The following SMIM13 variants were observed in gnomAD, a reference collection of about 807,000 sequenced individuals.
SMIM13 encodes the protein UPF0766 protein C6orf228.
In SMIM13, 3 loss-of-function variants were observed where a neutral mutation model predicts 5.9. The ratio of observed to expected loss-of-function variants is 0.51; its 90% CI spans 0.23 to 1.31. The LOEUF (loss-of-function observed/expected upper bound fraction) is 1.31, where lower values mean the gene tolerates loss of function less well. SMIM13 is among the 40% of genes most tolerant of loss of function. SMIM13 has a pLI of 0.18. For synonymous variants in SMIM13, 55 were observed against 46.0 expected (o/e 1.19, Z -0.79); for missense variants, 85 against 109.9 (o/e 0.77, Z 1.01).
At chr6:11,127,533 A>T (rs900171992) in intron 1 of SMIM13, among the ~76,000 whole-genome samples, 2 of 152,200 alleles carry the variant, frequency 1.3e-5, no homozygotes, top group African/African-American at 4.8e-5. Context: ...GTTTAATTGG[A>T]TTTACAGTTC....
chr6:11,116,506 GA>G (rs1444024795), intron 1 of SMIM13, among the ~76,000 whole-genome samples: 1 of 152,230 alleles, frequency 6.6e-6, no homozygotes, highest in African/African-American at 2.4e-5. Context: ...TTTTTGGAAA[GA>G]TTTTCAACTA....
rs1308534741 is a variant in SMIM13 at position 11,136,979 on chromosome 6, CT to C, written c.*2378del. ...ATAGTTGCTGGAAAACTTAAAGTAG[CT>C]GGTGAGCTTCCTGTTATGTCACTAT... On this transcript the variant is annotated 3_prime_UTR_variant, in exon 2 of 2. Transcript: ENST00000416247. The C allele has an allele frequency of 1.3e-5, 2 of 152,016 alleles. No homozygotes were observed. Among genetic ancestry groups the C allele is most frequent in the Non-Finnish European group, 2.9e-5 (2 of 67,992 alleles). 9.4% of individuals were successfully genotyped at this position (152,016 alleles called of 1,614,324 possible). A position where few individuals can be genotyped will look rare whatever the true frequency, so the allele number is the denominator to read the frequency against.
chr6:11,105,529 C>T, intron 1 of SMIM13: 1 of 518,606 alleles, frequency 1.9e-6, no homozygotes, highest in South Asian at 2.6e-5. Flanking sequence ...CAAGTGTATT[C>T]CGGAGCTGAG....
intron 1 of SMIM13, chr6:11,103,848 C>T (rs778724076): frequency 2.6e-6 from 4 of 1,551,610 alleles, no homozygotes; most frequent in East Asian, 2.4e-5. Flanking sequence ...AACAAGTGGG[C>T]CTGTAAGGGG....
chr6:11,116,982 CTTTTTTTT>C (rs68092921), intron 1 of SMIM13, among the ~76,000 whole-genome samples: 29 of 46,446 alleles, frequency 6.2e-4, no homozygotes, highest in African/African-American at 1.1e-3. Flanking sequence ...ATAATTGTTT[CTTTTTTTT>C]TTTTTTTTTT....
chr6:11,134,439 T>C lies in SMIM13; in HGVS notation c.113T>C (p.Phe38Ser). The change falls in exon 2 of 2, where the codon TTC becomes TCC. Residue 38 changes from phenylalanine to serine, a missense_variant. Physicochemically the swap from Phe to Ser is radical, Grantham distance 155. Transcript: ENST00000416247. ...GTATGGCATCTTTTTTTATCAAAAT[T>C]CAAGTTTCTCCGGGAACTGGTGGGA... Reference protein sequence around the residue: ...YFVWHLFLSKFKFLRELVGDT... With the variant: ...YFVWHLFLSKSKFLRELVGDT... 19 of 1,551,064 alleles carry C rather than the reference T, an allele frequency of 1.2e-5. No homozygotes were observed. Among genetic ancestry groups the C allele is most frequent in the Non-Finnish European group, 1.7e-5 (19 of 1,146,624 alleles).
At chr6:11,128,154 TCTCA>T (rs1758402244) in intron 1 of SMIM13, among the ~76,000 whole-genome samples, 1 of 152,004 alleles carries the variant, frequency 6.6e-6, no homozygotes, top group Non-Finnish European at 1.5e-5. Context: ...TGGCTCTGAG[TCTCA>T]CTCAAGGCCC....
intron 1 of SMIM13, 24 bp downstream of exon 1, chr6:11,094,413 G>A (rs748135936): frequency 6.7e-5 from 102 of 1,527,990 alleles, no homozygotes; most frequent in Non-Finnish European, 8.9e-5. Context: ...GTAGCCGCGA[G>A]GCAGTTCCAC....
At chr6:11,112,258 CTT>C (rs573096581) in intron 1 of SMIM13, among the ~76,000 whole-genome samples, 1 of 145,594 alleles carries the variant, frequency 6.9e-6, no homozygotes, top group Non-Finnish European at 1.5e-5. Context: ...GAACTGCTTG[CTT>C]TTTTTTTTTT....
At chr6:11,100,457 C>T (rs1391210574) in intron 1 of SMIM13, among the ~76,000 whole-genome samples, 1 of 152,140 alleles carries the variant, frequency 6.6e-6, no homozygotes, top group Non-Finnish European at 1.5e-5. Context: ...TTGCTTTTCC[C>T]CTCCTTCCCC....
chr6:11,096,871 A>T (rs959449979), intron 1 of SMIM13, among the ~76,000 whole-genome samples: 1 of 151,972 alleles, frequency 6.6e-6, no homozygotes, highest in Non-Finnish European at 1.5e-5. Context: ...TTCTGTTTTT[A>T]ATAGAGATGG....
intron 1 of SMIM13, among the ~76,000 whole-genome samples, chr6:11,110,604 C>T (rs919834642): frequency 2.0e-5 from 3 of 152,160 alleles, no homozygotes; most frequent in Non-Finnish European, 2.9e-5. Flanking sequence ...ATTTGGGATT[C>T]TTCATCCTCC....
At chr6:11,132,650 CT>C (rs2113670510) in intron 1 of SMIM13, among the ~76,000 whole-genome samples, 1 of 152,216 alleles carries the variant, frequency 6.6e-6, no homozygotes, top group African/African-American at 2.4e-5. Context: ...GAAACATGGG[CT>C]GAGTTTGAAA....
chr6:11,130,265 A>C (rs536801764), intron 1 of SMIM13, among the ~76,000 whole-genome samples: 5 of 132,776 alleles, frequency 3.8e-5, no homozygotes, highest in South Asian at 4.4e-4. Flanking sequence ...AAAAAAAAAA[A>C]AAAACAACAA....
rs1010644878 is a variant in SMIM13 at position 11,134,568 on chromosome 6, C to T, written c.242C>T (p.Ala81Val). The T allele has an allele frequency of 2.6e-6, 4 of 1,548,946 alleles. No homozygotes were observed. Among genetic ancestry groups the T allele is most frequent in the Non-Finnish European group, 3.5e-6 (4 of 1,145,508 alleles). The change falls in exon 2 of 2, where the codon GCA becomes GTA. Residue 81 changes from alanine to valine, a missense_variant. Ala to Val is a moderately conservative substitution (Grantham distance 64, BLOSUM62 0). Coordinates refer to ENST00000416247, the MANE Select transcript of SMIM13 (RefSeq NM_001135575.2). The part of the protein sequence containing the change: ...HRIRSARQRR[A>V]PADEGHRPLT ...ATCAGATCCGCTCGCCAAAGGAGGG[C>T]ACCTGCTGATGAAGGCCACAGACCC...
intron 1 of SMIM13, among the ~76,000 whole-genome samples, chr6:11,106,146 CAA>C (rs1277126257): frequency 1.3e-5 from 2 of 152,186 alleles, no homozygotes; most frequent in Admixed American, 1.3e-4. Flanking sequence ...TGTCATTCTG[CAA>C]TGACCTGGGT....
intron 1 of SMIM13, among the ~76,000 whole-genome samples, chr6:11,106,952 C>T (rs1758093532): frequency 6.6e-6 from 1 of 152,194 alleles, no homozygotes; most frequent in African/African-American, 2.4e-5. Context: ...TTTGTATATA[C>T]TCCTTTTCTT....
intron 1 of SMIM13, among the ~76,000 whole-genome samples, chr6:11,110,852 A>G (rs561098310): frequency 6.6e-6 from 1 of 152,260 alleles, no homozygotes; most frequent in East Asian, 1.9e-4. Context: ...CTTCCCCACA[A>G]AGGGGTGCTA....
In SMIM13 at chr6:11,134,383, G is replaced by A. The variant is rs1758490511; in HGVS notation, c.77-20G>A. 1 of 1,538,654 alleles carries A rather than the reference G, an allele frequency of 6.5e-7. No homozygotes were observed. Among genetic ancestry groups the A allele is most frequent in the Non-Finnish European group, 8.8e-7 (1 of 1,137,848 alleles). On this transcript the variant is annotated intron_variant, in intron 1 of 1. Transcript: ENST00000416247. ...ATTGTGTGTAATAACTTTTCTTAAT[G>A]TTTTTGTCTTTCTCTGTAGGTTGGT...
Sources: allele counts gnomAD v4.1 joint callset (sites outside exome capture counted in the v4.1 genomes callset), GRCh38; gene constraint gnomAD v4.1.1; transcripts MANE v1.5; gene names NCBI Gene and HGNC (gene_info 2026-07-23, HGNC 2026-07-21).